RAG2: variants seen among roughly 807,000 people sequenced by gnomAD.
RAG2 encodes recombination activating 2, also known as V(D)J recombination-activating protein 2.
A neutral mutation model predicts 31.8 loss-of-function variants in RAG2; 16 were observed. The observed-to-expected ratio is 0.50, with a 90% CI of 0.34 to 0.76. The LOEUF (loss-of-function observed/expected upper bound fraction) is 0.76. Ranked by LOEUF, RAG2 falls within the 30% of genes least tolerant of loss-of-function variation. The pLI is 0.01. For synonymous variants in RAG2, 199 were observed against 215.9 expected (o/e 0.92, Z 0.68); for missense variants, 622 against 628.5 (o/e 0.99, Z 0.11).
chr11:36,591,349 A>G (rs1034699667), downstream of RAG2, among the ~76,000 whole-genome samples: 3 of 152,126 alleles, frequency 2.0e-5, no homozygotes, highest in African/African-American at 7.2e-5. Context: ...TTCAGTGAGG[A>G]GTAAGAGTCT....
chr11:36,593,516 A>T lies in RAG2; in HGVS notation c.653T>A (p.Ile218Asn). 3 of 1,614,178 alleles carry T rather than the reference A, an allele frequency of 1.9e-6. No homozygotes were observed. Among genetic ancestry groups the T allele is most frequent in the Non-Finnish European group, 2.5e-6 (3 of 1,180,036 alleles). ...VSIAKNDTIY[I>N]LGGHSLANNI... The stretch of plus-strand genomic sequence containing the variant: ...ATTGGCAAGTGAATGTCCTCCTAAA[A>T]TATAGATGGTGTCATTTTTGGCAAT... Residue 218 changes from isoleucine to asparagine, a missense_variant, in exon 2 of 2, where the codon ATT (isoleucine) becomes AAT (asparagine). By Grantham distance (149) the Ile-to-Asn change is moderately radical. Coordinates refer to ENST00000311485, the MANE Select transcript of RAG2 (RefSeq NM_000536.4).
chr11:36,593,584 G>A lies in RAG2; in HGVS notation c.585C>T (p.Tyr195=), dbSNP rs1851082204. ...GCCCATCCTGAAGTTCTGGAAGAAT[G>A]TATGATGTAGCACACCCAAATTCAA... ...VDFEFGCATS[Y]ILPELQDGLS... Residue 195 remains tyrosine (Y), a synonymous_variant, in exon 2 of 2, where the codon TAC becomes TAT. Transcript: ENST00000311485. 6.2e-7 allele frequency: 1 copy of A among 1,614,178 alleles called. No individual in the cohort carries two copies. Among genetic ancestry groups the A allele is most frequent in the Non-Finnish European group, 8.5e-7 (1 of 1,180,010 alleles).
chr11:36,595,797 G>T (rs1247383520), intron 1 of RAG2, among the ~76,000 whole-genome samples: 1 of 152,266 alleles, frequency 6.6e-6, no homozygotes, highest in Non-Finnish European at 1.5e-5. Context: ...ATAAGGTCTA[G>T]TGCATACGCA....
chr11:36,593,125 C>T lies in RAG2; in HGVS notation c.1044G>A (p.Leu348=). Residue 348 remains leucine (L), a synonymous_variant, in exon 2 of 2, where the codon TTG becomes TTA. Coordinates refer to ENST00000311485, the MANE Select transcript of RAG2 (RefSeq NM_000536.4). ...CATTAGTATCATCTTCAGCACATTTCAACATATAGAAATAGAATCCTTCTG... is the reference window on the plus strand; with the variant it reads ...CATTAGTATCATCTTCAGCACATTTTAACATATAGAAATAGAATCCTTCTG... ...VVSEGFYFYM[L]KCAEDDTNEE... is the part of the protein sequence containing the mutation. The T allele has an allele frequency of 6.2e-7, 1 of 1,614,130 alleles. No homozygotes were observed. The highest frequency in any genetic ancestry group is 8.5e-7 in the Non-Finnish European group (1 of 1,180,014).
rs1166354410 is a variant in RAG2, at chr11:36,598,115, G to T, written c.-41C>A. On this transcript the variant is annotated 5_prime_UTR_variant, in exon 1 of 2. Coordinates refer to ENST00000311485, the MANE Select transcript of RAG2 (RefSeq NM_000536.4). ...TATCAGACCTACCTGAAGGCCAGAG[G>T]GGCTGCTCACGCCTCTCTGAATCTT... is the stretch of plus-strand genomic sequence containing the variant. The T allele has an allele frequency of 6.6e-6, 1 of 151,928 alleles. No individual in the cohort carries two copies. Among genetic ancestry groups the T allele is most frequent in the Non-Finnish European group, 1.5e-5 (1 of 67,986 alleles). 9.4% of individuals were successfully genotyped at this position (151,928 alleles called of 1,614,324 possible).
chr11:36,596,402 C>G (rs890658423), intron 1 of RAG2, among the ~76,000 whole-genome samples: 1 of 151,990 alleles, frequency 6.6e-6, no homozygotes, highest in Non-Finnish European at 1.5e-5. Flanking sequence ...GGATTATTAT[C>G]AAAGTTATGA....
chr11:36,591,031 G>A (rs116268567), downstream of RAG2, among the ~76,000 whole-genome samples: 951 of 152,020 alleles, frequency 6.3e-3, 11 homozygotes, highest in African/African-American at 0.022. Flanking sequence ...TAATTTTGCC[G>A]TTATTTAGGT....
In RAG2 at chr11:36,593,190, C is replaced by T. The variant is rs776028357; in HGVS notation, c.979G>A (p.Val327Ile). ...WFGSNMGNGT[V>I]FLGIPGDNKQ... is the part of the protein sequence containing the mutation. ...TTGTCTCCTGGTATGCCAAGAAAAA[C>T]AGTTCCATTTCCCATGTTGCTTCCA... Residue 327 changes from valine (V) to isoleucine (I), a missense_variant, in exon 2 of 2, where the codon GTT becomes ATT. By Grantham distance (29) the Val-to-Ile change is conservative (BLOSUM62 3). Coordinates refer to ENST00000311485, the MANE Select transcript of RAG2 (RefSeq NM_000536.4). The T allele has an allele frequency of 6.2e-7, 1 of 1,614,186 alleles. No individual in the cohort carries two copies. The highest frequency in any genetic ancestry group is 1.1e-5 in the South Asian group (1 of 91,076).
In RAG2 at chr11:36,592,293, C is replaced by G. The variant is rs1055837631; in HGVS notation, c.*292G>C. The G allele has an allele frequency of 2.6e-6, 1 of 387,794 alleles. No homozygotes were observed. The allele number at this position is 387,794 out of a possible 1,614,324, so 24.0% of individuals were successfully genotyped here. On this transcript the variant is annotated 3_prime_UTR_variant, in exon 2 of 2. Coordinates refer to ENST00000311485, the MANE Select transcript of RAG2 (RefSeq NM_000536.4). ...TATAAACATACCTCGATGATTATTACTGCTTCTGGGTGTTTAAGGTTTGTT... is the reference window on the plus strand; with the variant it reads ...TATAAACATACCTCGATGATTATTAGTGCTTCTGGGTGTTTAAGGTTTGTT...
chr11:36,591,304 T>C (rs1356139078), downstream of RAG2, among the ~76,000 whole-genome samples: 1 of 152,190 alleles, frequency 6.6e-6, no homozygotes, highest in African/African-American at 2.4e-5. Context: ...ATGTTTCCCG[T>C]AAATTTGTTA....
Position 36,593,178 on chromosome 11 carries a change from T to C in RAG2, c.991A>G (p.Ile331Val). The C allele has an allele frequency of 6.2e-7, 1 of 1,614,210 alleles. No individual in the cohort carries two copies. The highest frequency in any genetic ancestry group is 8.5e-7 in the Non-Finnish European group (1 of 1,180,034). Reference protein sequence around the residue: ...NMGNGTVFLGIPGDNKQVVSE... With the variant: ...NMGNGTVFLGVPGDNKQVVSE... The stretch of plus-strand genomic sequence containing the variant: ...ACAACTTGTTTATTGTCTCCTGGTA[T>C]GCCAAGAAAAACAGTTCCATTTCCC... The change falls in exon 2 of 2, where the codon ATA becomes GTA. Residue 331 changes from isoleucine to valine, a missense_variant. Physicochemically the swap from Ile to Val is conservative, Grantham distance 29. Transcript: ENST00000311485.
rs769610598 is a variant in RAG2 at position 36,592,544 on chromosome 11, C to A, written c.*41G>T. Reference sequence around the variant, plus strand: ...AATGTTATGATTTTAAAAATAGATTCAAAAATTCCATACACCTGAATCTGA... The same window carrying A: ...AATGTTATGATTTTAAAAATAGATTAAAAAATTCCATACACCTGAATCTGA... On this transcript the variant is annotated 3_prime_UTR_variant, in exon 2 of 2. Transcript: ENST00000311485. 1.7e-5 allele frequency: 28 copies of A among 1,601,418 alleles called. No homozygotes were observed. The highest frequency in any genetic ancestry group is 1.0e-4 in the South Asian group (9 of 88,690).
chr11:36,591,590 A>T (rs1424357818), downstream of RAG2, among the ~76,000 whole-genome samples: 1 of 136,106 alleles, frequency 7.3e-6, no homozygotes, highest in South Asian at 2.4e-4. Flanking sequence ...CAATCTCCAC[A>T]TGTTAACTAC....
rs1329834123 is a variant in RAG2, at chr11:36,598,094, A to T, written c.-28+8T>A. The stretch of plus-strand genomic sequence containing the variant: ...TAGCTTTGGTAGAAATGAAGGTATC[A>T]GACCTACCTGAAGGCCAGAGGGGCT... On this transcript the variant is annotated splice_region_variant and intron_variant, in intron 1 of 1. Coordinates refer to ENST00000311485, the MANE Select transcript of RAG2 (RefSeq NM_000536.4). The T allele has an allele frequency of 6.6e-6, 1 of 152,058 alleles. No individual in the cohort carries two copies. The highest frequency in any genetic ancestry group is 2.4e-5 in the African/African-American group (1 of 41,416). 9.4% of individuals were successfully genotyped at this position (152,058 alleles called of 1,614,324 possible).
intron 1 of RAG2, among the ~76,000 whole-genome samples, chr11:36,596,222 G>GTTTTTT (rs67282079): frequency 5.1e-5 from 6 of 118,366 alleles, no homozygotes; most frequent in African/African-American, 1.2e-4. Flanking sequence ...TTTTTTTTTT[G>GTTTTTT]TTTTTTTTTT....
rs762407838 is a variant in RAG2 at position 36,593,951 on chromosome 11, C to T, written c.218G>A (p.Arg73His). The change falls in exon 2 of 2, where the codon CGC (arginine) becomes CAC (histidine). Residue 73 changes from arginine to histidine, a missense_variant. By Grantham distance (29) the Arg-to-His change is conservative (BLOSUM62 0). Coordinates refer to ENST00000311485, the MANE Select transcript of RAG2 (RefSeq NM_000536.4). ...SKDSCYLPPLRYPATCTFKGS... is the reference protein window; with the variant it reads ...SKDSCYLPPLHYPATCTFKGS... ...TTTGAATGTGCAAGTGGCTGGGTAG[C>T]GAAGAGGAGGGAGGTAGCAGGAATC... 9 of 1,613,956 alleles carry T rather than the reference C, an allele frequency of 5.6e-6. No individual in the cohort carries two copies. The African/African-American group carries it at 6.7e-5, about 12-fold the overall frequency.
intron 1 of RAG2, among the ~76,000 whole-genome samples, chr11:36,596,516 A>C (rs1851264514): frequency 6.6e-6 from 1 of 152,210 alleles, no homozygotes; most frequent in Admixed American, 6.5e-5. Context: ...AGCCTACATG[A>C]GGGAAGGCAT....
chr11:36,594,986 A>G (rs1265698273), intron 1 of RAG2: 1 of 152,262 alleles, frequency 6.6e-6, no homozygotes, highest in African/African-American at 2.4e-5. Flanking sequence ...GAACCGAAAG[A>G]TGGATCTTTG....
At position 36,592,807 on chromosome 11, in the gene RAG2, G is replaced by A. The variant is rs2133311306; in HGVS notation, c.1362C>T (p.Val454=). Residue 454 remains valine (V), a synonymous_variant, in exon 2 of 2, where the codon GTC becomes GTT. Coordinates refer to ENST00000311485, the MANE Select transcript of RAG2 (RefSeq NM_000536.4). ...CTGCCAGATCCATGCACTGAGCATG[G>A]ACCCAGTGCCCATCCCCATGAGAGC... The part of the protein sequence containing the change: ...IYCSHGDGHW[V]HAQCMDLAER... The A allele has an allele frequency of 6.2e-7, 1 of 1,614,116 alleles. No homozygotes were observed. Among genetic ancestry groups the A allele is most frequent in the Non-Finnish European group, 8.5e-7 (1 of 1,180,034 alleles).
Sources: gnomAD v4.1 joint callset for allele counts (sites outside exome capture counted in the v4.1 genomes callset) on GRCh38, gnomAD v4.1.1 for gene constraint, MANE v1.5 for transcripts, NCBI Gene and HGNC (gene_info 2026-07-23, HGNC 2026-07-21) for gene names.